ITGB8: variants seen among roughly 807,000 people sequenced by gnomAD.
The protein encoded by ITGB8 is integrin beta-8.
ITGB8 carries 30 observed loss-of-function variants against 89.5 expected under a neutral mutation model. That is an observed-to-expected ratio of 0.34 (90% CI 0.25 to 0.45). ITGB8 has a LOEUF of 0.45. Ranked by LOEUF, ITGB8 falls within the 20% of genes least tolerant of loss-of-function variation. The pLI is 1.00. For synonymous variants in ITGB8, 335 were observed against 320.4 expected (o/e 1.05, Z -0.49); for missense variants, 836 against 933.3 (o/e 0.90, Z 1.36).
chr7:20,346,756 T>C lies in ITGB8; in HGVS notation c.127+14823T>C, dbSNP rs576796062. On this transcript the variant is annotated intron_variant, in intron 1 of 13. Transcript: ENST00000222573. ...GATTGCCTGAGAAGTATATAACACCTGACGATTATACCTGAAGGGGGCTCC... is the reference window on the plus strand; with the variant it reads ...GATTGCCTGAGAAGTATATAACACCCGACGATTATACCTGAAGGGGGCTCC... 4.1e-6 allele frequency: 4 copies of C among 985,256 alleles called. No individual in the cohort carries two copies. The African/African-American group carries it at 7.0e-5, about 17-fold the overall frequency. The allele number at this position is 985,256 out of a possible 1,614,324, so 61.0% of individuals were successfully genotyped here.
At chr7:20,405,648 A>G (rs1426027162) in intron 11 of ITGB8, among the ~76,000 whole-genome samples, 3 of 152,034 alleles carry the variant, frequency 2.0e-5, no homozygotes, top group Admixed American at 6.5e-5. Flanking sequence ...ATAAAGAACA[A>G]TGGTGTCTGT....
intron 7 of ITGB8, 111 bp downstream of exon 7, chr7:20,391,609 ATCTAAAT>A: frequency 1.9e-6 from 1 of 535,888 alleles, no homozygotes; most frequent in South Asian, 3.2e-5. Context: ...ACTTTGTACA[ATCTAAAT>A]TCTATATTGT....
intron 6 of ITGB8, among the ~76,000 whole-genome samples, chr7:20,384,960 A>G (rs1208498488): frequency 1.3e-5 from 2 of 152,226 alleles, no homozygotes; most frequent in Non-Finnish European, 2.9e-5. Context: ...GTATAGTTTT[A>G]TGATTTATCC....
At chr7:20,350,796 C>T (rs1358539992) in intron 1 of ITGB8, among the ~76,000 whole-genome samples, 1 of 152,224 alleles carries the variant, frequency 6.6e-6, no homozygotes, top group Non-Finnish European at 1.5e-5. Context: ...GAAACAGCAA[C>T]TCCGAACACC....
intron 1 of ITGB8, chr7:20,346,546 A>G (rs953712877): frequency 5.8e-6 from 1 of 171,908 alleles, no homozygotes; most frequent in African/African-American, 2.4e-5. Flanking sequence ...TGATACTGTC[A>G]GTGGCTGAGG....
intron 3 of ITGB8, among the ~76,000 whole-genome samples, chr7:20,368,072 C>T (rs1785777246): frequency 6.6e-6 from 1 of 152,276 alleles, no homozygotes; most frequent in East Asian, 1.9e-4. Context: ...CTTCCCCATT[C>T]CAGAACTGTG....
At chr7:20,331,978 T>G in intron 1 of ITGB8, 45 bp downstream of exon 1, 1 of 1,597,946 alleles carries the variant, frequency 6.3e-7, no homozygotes, top group Non-Finnish European at 8.5e-7. Context: ...TCCCCAAAGG[T>G]CTTGGGCTGG....
intron 1 of ITGB8, among the ~76,000 whole-genome samples, chr7:20,340,779 C>G (rs1423173961): frequency 1.3e-5 from 2 of 152,078 alleles, no homozygotes; most frequent in African/African-American, 4.8e-5. Flanking sequence ...GGGTGAAAAG[C>G]TTCATCCTTA....
At chr7:20,352,950 G>A (rs543296355) in intron 1 of ITGB8, 1 of 152,298 alleles carries the variant, frequency 6.6e-6, no homozygotes, top group Non-Finnish European at 1.5e-5. Flanking sequence ...GGGCATAAAT[G>A]AATCATAATA....
intron 1 of ITGB8, among the ~76,000 whole-genome samples, chr7:20,357,133 G>T (rs1003402954): frequency 6.6e-6 from 1 of 152,258 alleles, no homozygotes; most frequent in Non-Finnish European, 1.5e-5. Context: ...TTTAAAAATT[G>T]TTCAGCTTAA....
intron 1 of ITGB8, among the ~76,000 whole-genome samples, chr7:20,347,246 C>G (rs559571405): frequency 3.9e-5 from 6 of 152,188 alleles, no homozygotes; most frequent in Admixed American, 1.3e-4. Flanking sequence ...GACTGAGATA[C>G]TTTACTACTC....
At chr7:20,340,766 G>A (rs1194462432) in intron 1 of ITGB8, among the ~76,000 whole-genome samples, 1 of 152,154 alleles carries the variant, frequency 6.6e-6, no homozygotes, top group Non-Finnish European at 1.5e-5. Context: ...AGGGAAGGGG[G>A]CTGGGTGAAA....
upstream of ITGB8, among the ~76,000 whole-genome samples, chr7:20,330,217 G>A (rs1285797586): frequency 1.3e-5 from 2 of 152,218 alleles, no homozygotes; most frequent in African/African-American, 4.8e-5. Context: ...AGCCCCTGCA[G>A]ACTGGTCCAA....
At chr7:20,396,188 C>T (rs1246079887) in intron 8 of ITGB8, among the ~76,000 whole-genome samples, 2 of 152,078 alleles carry the variant, frequency 1.3e-5, no homozygotes, top group African/African-American at 4.8e-5. Flanking sequence ...CCTGTAATCC[C>T]AGCACTTTGG....
In ITGB8 at chr7:20,331,872, T is replaced by C. The variant is rs748383077; in HGVS notation, c.66T>C (p.Gly22=). The change falls in exon 1 of 14, where the codon GGT becomes GGC. Residue 22 remains glycine, a synonymous_variant. Coordinates refer to ENST00000222573, the MANE Select transcript of ITGB8 (RefSeq NM_002214.3). ...AFVCLQNDRR[G]PASFLWAAWV... ...TCTGCCTGCAAAACGACCGGCGAGG[T>C]CCCGCCTCGTTCCTCTGGGCAGCCT... The C allele has an allele frequency of 4.3e-6, 7 of 1,613,884 alleles. No homozygotes were observed. In the East Asian group the frequency reaches 1.3e-4, roughly 31 times the overall value.
At chr7:20,346,365 T>C (rs547625360) in intron 1 of ITGB8, among the ~76,000 whole-genome samples, 4 of 152,044 alleles carry the variant, frequency 2.6e-5, no homozygotes, top group Non-Finnish European at 5.9e-5. Context: ...TCTGGAGTTG[T>C]AAAGGAATAG....
chr7:20,414,726 T>A lies in ITGB8; in HGVS notation c.*4729T>A, dbSNP rs1787875321. 2 of 152,578 alleles carry A rather than the reference T, an allele frequency of 1.3e-5. No homozygotes were observed. The highest frequency in any genetic ancestry group is 2.9e-5 in the Non-Finnish European group (2 of 67,994). 9.5% of individuals were successfully genotyped at this position (152,578 alleles called of 1,614,324 possible). On this transcript the variant is annotated 3_prime_UTR_variant, in exon 14 of 14. Transcript: ENST00000222573. ...GTAACGACTGTTATAAAACTGCATA[T>A]TTAAATTATTTGAATTATATGAAAT...
chr7:20,408,918 A>G (rs374156163), intron 12 of ITGB8, among the ~76,000 whole-genome samples: 2 of 152,328 alleles, frequency 1.3e-5, no homozygotes, highest in East Asian at 3.9e-4. Flanking sequence ...GTGCATGTTT[A>G]GAGGCAAATG....
intron 3 of ITGB8, among the ~76,000 whole-genome samples, chr7:20,376,486 CA>C (rs1253459602): frequency 6.6e-6 from 1 of 152,096 alleles, no homozygotes; most frequent in Non-Finnish European, 1.5e-5. Flanking sequence ...CACAGTGCTG[CA>C]AAAAGGTATT....
Sources: allele counts gnomAD v4.1 joint callset (sites outside exome capture counted in the v4.1 genomes callset), GRCh38; gene constraint gnomAD v4.1.1; transcripts MANE v1.5; gene names NCBI Gene and HGNC (gene_info 2026-07-23, HGNC 2026-07-21).